Variants in ATP13A1 observed in about 807,000 individuals in gnomAD.
The protein encoded by ATP13A1 is endoplasmic reticulum transmembrane helix translocase.
Under a neutral mutation model 134.8 loss-of-function variants are expected in ATP13A1, and 55 were observed. That is an observed-to-expected ratio of 0.41 (90% CI 0.33 to 0.51). ATP13A1 has a LOEUF of 0.51. Ranked by LOEUF, ATP13A1 falls within the 20% of genes least tolerant of loss-of-function variation. The probability of loss-of-function intolerance (pLI) is 0.29; values close to 1 mark genes in which losing one functional copy is unlikely to be tolerated. For synonymous variants in ATP13A1, 775 were observed against 725.1 expected, an observed-to-expected ratio of 1.07 and a Z score of -1.10; for missense variants, 1,389 against 1,652.8, an observed-to-expected ratio of 0.84 and a Z score of 2.77.
At chr19:19,651,489 C>A in intron 17 of ATP13A1, 200 bp downstream of exon 17, 1 of 477,992 alleles carries the variant, frequency 2.1e-6, no homozygotes, top group Non-Finnish European at 3.7e-6. Context: ...ACCTACATGC[C>A]GCACATCCTG....
intron 4 of ATP13A1, 37 bp downstream of exon 4, chr19:19,657,299 G>T: frequency 6.5e-7 from 1 of 1,548,286 alleles, no homozygotes; most frequent in East Asian, 2.4e-5. Context: ...AGCCCCAAGG[G>T]AGGAAATGGG....
At chr19:19,662,025 C>G (rs750929651) in intron 1 of ATP13A1, 3 of 1,554,402 alleles carry the variant, frequency 1.9e-6, no homozygotes, top group South Asian at 1.2e-5. Flanking sequence ...AACTGAAACT[C>G]AGAGAGCAGA....
intron 1 of ATP13A1, among the ~76,000 whole-genome samples, chr19:19,661,690 G>C (rs2062095357): frequency 1.3e-5 from 2 of 152,186 alleles, no homozygotes; most frequent in South Asian, 4.1e-4. Context: ...AACTCGTTCA[G>C]TGCTCCCTGG....
Position 19,647,367 on chromosome 19 carries a change from T to A in ATP13A1, c.2909-42A>T, listed in dbSNP as rs751129053. On this transcript the variant is annotated intron_variant, in intron 21 of 25. Transcript: ENST00000357324. This position sits in a 1 kb window ranked among gnomAD's most constrained non-coding sequence, Gnocchi z 4.8. Reference sequence around the variant, plus strand: ...AGGCAGGTGTGGGTGTGGGTAGGGGTGCCAAGGGGGGAATGAAGGGAGGGG... The same window carrying A: ...AGGCAGGTGTGGGTGTGGGTAGGGGAGCCAAGGGGGGAATGAAGGGAGGGG... 5.5e-6 allele frequency: 8 copies of A among 1,441,964 alleles called. No individual in the cohort carries two copies. The highest frequency in any genetic ancestry group is 7.4e-6 in the Non-Finnish European group (8 of 1,082,628). The allele number at this position is 1,441,964 out of a possible 1,614,324, so 89.3% of individuals were successfully genotyped here. A position where few individuals can be genotyped will look rare whatever the true frequency, so the allele number is the denominator to read the frequency against.
At position 19,659,915 on chromosome 19, in the gene ATP13A1, C is replaced by A; in HGVS notation, c.469G>T (p.Ala157Ser). The A allele has an allele frequency of 6.3e-7, 1 of 1,587,918 alleles. No individual in the cohort carries two copies. The highest frequency in any genetic ancestry group is 8.6e-7 in the Non-Finnish European group (1 of 1,168,682). The change falls in exon 2 of 26, where the codon GCC becomes TCC. Residue 157 changes from alanine to serine, a missense_variant. Ala to Ser is a moderately conservative substitution (Grantham distance 99). This residue lies in a region of ATP13A1 where 293 missense variants were observed against 270.8 expected (regional missense o/e 1.08). Coordinates refer to ENST00000357324, the MANE Select transcript of ATP13A1 (RefSeq NM_020410.3). ...TPNNGSTELV[A>S]LHRNEGEDGL... ...GTCCCTACCTCATTGCGGTGCAGGG[C>A]CACGAGCTCCGTGGAGCCATTGTTG... is the stretch of plus-strand genomic sequence containing the variant.
chr19:19,651,600 G>A, intron 17 of ATP13A1, 89 bp downstream of exon 17: 3 of 1,012,762 alleles, frequency 3.0e-6, no homozygotes, highest in East Asian at 2.6e-5. Context: ...GTGCTGCTGA[G>A]GCCTGGTACA....
Position 19,647,227 on chromosome 19 carries a change from T to A in ATP13A1, c.3007A>T (p.Ser1003Cys), listed in dbSNP as rs758039897. The A allele has an allele frequency of 6.2e-7, 1 of 1,613,946 alleles. No homozygotes were observed. Among genetic ancestry groups the A allele is most frequent in the Non-Finnish European group, 8.5e-7 (1 of 1,179,872 alleles). ...TTGACTCCCTCCAGGTAGAGGACGC[T>A]CTGGCTGTAGGCCAGGATGAGGGCA... ...LNALILAYSQ[S>C]VLYLEGVKFS... is the part of the protein sequence containing the mutation. The change falls in exon 22 of 26, where the codon AGC becomes TGC. Residue 1003 changes from serine to cysteine, a missense_variant. Physicochemically the swap from Ser to Cys is moderately radical, Grantham distance 112 (BLOSUM62 -1). Coordinates refer to ENST00000357324, the MANE Select transcript of ATP13A1 (RefSeq NM_020410.3). This position sits in a 1 kb window ranked among gnomAD's most constrained non-coding sequence, Gnocchi z 4.8.
At position 19,654,109 on chromosome 19, in the gene ATP13A1, C is replaced by T. The variant is rs1375990962; in HGVS notation, c.1849G>A (p.Gly617Arg). Residue 617 changes from glycine to arginine, a missense_variant, in exon 14 of 26, where the codon GGG becomes AGG. Gly to Arg is a moderately radical substitution (Grantham distance 125). Coordinates refer to ENST00000357324, the MANE Select transcript of ATP13A1 (RefSeq NM_020410.3). ...KVFPRSIKTQ[G>R]LKIHQRFHFA... The stretch of plus-strand genomic sequence containing the variant: ...TGAAAGCGCTGGTGAATTTTCAGCC[C>T]CTGAGTTTTAATACTTCGGGGGAAT... The T allele has an allele frequency of 3.8e-6, 6 of 1,592,648 alleles. No homozygotes were observed. The highest frequency in any genetic ancestry group is 3.4e-6 in the Non-Finnish European group (4 of 1,169,774).
rs369084980 is a variant in ATP13A1 at position 19,659,906 on chromosome 19, G to A, written c.478C>T (p.Arg160Cys). 1.0e-5 allele frequency: 16 copies of A among 1,588,372 alleles called. No individual in the cohort carries two copies. Among genetic ancestry groups the A allele is most frequent in the East Asian group, 2.3e-5 (1 of 44,000 alleles). The part of the protein sequence containing the change: ...NGSTELVALH[R>C]NEGEDGLEVL... ...CAGCAGGCAGTCCCTACCTCATTGCGGTGCAGGGCCACGAGCTCCGTGGAG... is the reference window on the plus strand; with the variant it reads ...CAGCAGGCAGTCCCTACCTCATTGCAGTGCAGGGCCACGAGCTCCGTGGAG... The change falls in exon 2 of 26, where the codon CGC becomes TGC. Residue 160 changes from arginine to cysteine, a missense_variant. By Grantham distance (180) the Arg-to-Cys change is radical. Transcript: ENST00000357324.
Position 19,655,004 on chromosome 19 carries a change from GCAGGGCCTCTGACGGGCCCTCAC to G in ATP13A1, c.1655+92_1655+114del. ...GGGAGCCCCTGGAAATGAACCCGAG[GCAGGGCCTCTGACGGGCCCTCAC>G]TGCAAGGGCTTGGGGTGGATGGGCC... On this transcript the variant is annotated intron_variant, in intron 12 of 25. Transcript: ENST00000357324. The surrounding 1 kb of genome is among the most constrained non-coding windows in gnomAD (Gnocchi z 5.7). 1 of 1,459,002 alleles carries G rather than the reference GCAGGGCCTCTGACGGGCCCTCAC, an allele frequency of 6.9e-7. No homozygotes were observed. Among genetic ancestry groups the G allele is most frequent in the East Asian group, 2.4e-5 (1 of 40,916 alleles). 90.4% of individuals were successfully genotyped at this position (1,459,002 alleles called of 1,614,324 possible).
intron 1 of ATP13A1, 64 bp from the exon 2 acceptor site, chr19:19,660,051 C>G: frequency 4.1e-6 from 6 of 1,466,370 alleles, no homozygotes; most frequent in Non-Finnish European, 4.6e-6. Context: ...AAGACCCCCC[C>G]GGGAGGTTTT....
chr19:19,654,988 T>G (rs2062048015), intron 12 of ATP13A1, 131 bp downstream of exon 12: 7 of 1,409,200 alleles, frequency 5.0e-6, no homozygotes, highest in South Asian at 4.2e-5. Flanking sequence ...GGGGAGCCCC[T>G]GGAAATGAAC....
rs773889715 is a variant in ATP13A1 at position 19,656,061 on chromosome 19, G to A, written c.1206C>T (p.Gly402=). Residue 402 remains glycine (G), a synonymous_variant, in exon 8 of 26, where the codon GGC becomes GGT. Coordinates refer to ENST00000357324, the MANE Select transcript of ATP13A1 (RefSeq NM_020410.3). This position sits in a 1 kb window ranked among gnomAD's most constrained non-coding sequence, Gnocchi z 4.6. ...QHIPPQKATT[G]LKPVDSGCVA... is the part of the protein sequence containing the mutation. Reference sequence around the variant, plus strand: ...CGCCCATGAGGCACCTACGCTTCAGGCCCGTGGTGGCTTTCTGTGGGGGGA... The same window carrying A: ...CGCCCATGAGGCACCTACGCTTCAGACCCGTGGTGGCTTTCTGTGGGGGGA... 5 of 1,613,406 alleles carry A rather than the reference G, an allele frequency of 3.1e-6. No homozygotes were observed. In the East Asian group the frequency reaches 8.9e-5, roughly 29 times the overall value.
At chr19:19,649,292 C>A (rs1306002126) in intron 19 of ATP13A1, among the ~76,000 whole-genome samples, 1 of 152,208 alleles carries the variant, frequency 6.6e-6, no homozygotes, top group Non-Finnish European at 1.5e-5. Flanking sequence ...AGATCTGGGG[C>A]TATGAACCAT....
chr19:19,649,491 G>A (rs2062010050), intron 19 of ATP13A1, 76 bp downstream of exon 19: 1 of 1,478,208 alleles, frequency 6.8e-7, no homozygotes, highest in Non-Finnish European at 9.3e-7. Flanking sequence ...CCAAGGGCCA[G>A]GTCTGTCTTT....
chr19:19,661,397 C>T (rs2062093677), intron 1 of ATP13A1, among the ~76,000 whole-genome samples: 1 of 152,210 alleles, frequency 6.6e-6, no homozygotes, highest in Non-Finnish European at 1.5e-5. Context: ...AGCAAAGGGC[C>T]TTGGCATGTG....
intron 16 of ATP13A1, among the ~76,000 whole-genome samples, chr19:19,652,224 A>C (rs952160018): frequency 1.3e-5 from 2 of 152,128 alleles, no homozygotes; most frequent in African/African-American, 4.8e-5. Flanking sequence ...AGACACCCTA[A>C]GTCCCAAAAT....
rs765848157 is a variant in ATP13A1, at chr19:19,657,002, T to C, written c.898A>G (p.Met300Val). 7 of 1,591,550 alleles carry C rather than the reference T, an allele frequency of 4.4e-6. No individual in the cohort carries two copies. Among genetic ancestry groups the C allele is most frequent in the South Asian group, 3.4e-5 (3 of 88,260 alleles). Residue 300 changes from methionine (M) to valine (V), a missense_variant, in exon 5 of 26, where the codon ATG (methionine) becomes GTG (valine). By Grantham distance (21) the Met-to-Val change is conservative (BLOSUM62 1). Coordinates refer to ENST00000357324, the MANE Select transcript of ATP13A1 (RefSeq NM_020410.3). ...CTCCCTGGCAGCCACACCTGGATCATGTGGGGCTTGTTGCCCATCTTCCGG... is the reference window on the plus strand; with the variant it reads ...CTCCCTGGCAGCCACACCTGGATCACGTGGGGCTTGTTGCCCATCTTCCGG... ...EIRKMGNKPH[M>V]IQVYRSRKWR... is the part of the protein sequence containing the mutation.
rs1275552910 is a variant in ATP13A1, at chr19:19,657,033, C to T, written c.867G>A (p.Ser289=). Residue 289 remains serine, a synonymous_variant, in exon 5 of 26, where the codon TCG becomes TCA. Transcript: ENST00000357324. ...GCTTGTTGCCCATCTTCCGGATCTC[C>T]GACATGTTCCGCATCTGCTGCTGCA... is the stretch of plus-strand genomic sequence containing the variant. The part of the protein sequence containing the change: ...SLVQQQMRNM[S]EIRKMGNKPH... The T allele has an allele frequency of 1.0e-5, 16 of 1,574,914 alleles. No homozygotes were observed. The highest frequency in any genetic ancestry group is 7.2e-5 in the Admixed American group (4 of 55,410).
Sources: allele counts gnomAD v4.1 joint callset (sites outside exome capture counted in the v4.1 genomes callset), GRCh38; gene constraint gnomAD v4.1.1; regional missense constraint gnomAD v4.1.1; non-coding constraint Gnocchi (gnomAD v3.1); transcripts MANE v1.5; gene names NCBI Gene and HGNC (gene_info 2026-07-23, HGNC 2026-07-21).